The following PIK3AP1 variants were observed in gnomAD, a reference collection of about 807,000 sequenced individuals.
The protein encoded by PIK3AP1 is phosphoinositide 3-kinase adapter protein 1.
Under a neutral mutation model 88.1 loss-of-function variants are expected in PIK3AP1, and 21 were observed. The ratio of observed to expected loss-of-function variants is 0.24; its 90% confidence interval spans 0.17 to 0.34. The LOEUF is 0.34. Ranked by LOEUF, PIK3AP1 falls within the 10% of genes least tolerant of loss-of-function variation. The probability of loss-of-function intolerance (pLI) is 1.00; values close to 1 mark genes in which losing one functional copy is unlikely to be tolerated. For missense variants in PIK3AP1, 828 were observed against 1,035.7 expected, an observed-to-expected ratio of 0.80 and a Z score of 2.75; for synonymous variants, 398 against 400.0, an observed-to-expected ratio of 1.00 and a Z score of 0.06.
intron 2 of PIK3AP1, among the ~76,000 whole-genome samples, chr10:96,665,288 T>A (rs2134247944): frequency 6.6e-6 from 1 of 152,330 alleles, no homozygotes; most frequent in African/African-American, 2.4e-5. Flanking sequence ...CTCCTTGAAT[T>A]CTATGGCAGG....
At chr10:96,682,104 T>C (rs1013678179) in intron 2 of PIK3AP1, among the ~76,000 whole-genome samples, 3 of 152,052 alleles carry the variant, frequency 2.0e-5, no homozygotes, top group Non-Finnish European at 4.4e-5. Context: ...GCTAGCACTA[T>C]AGAGTAAGAT....
At chr10:96,664,023 G>A (rs1183387100) in intron 2 of PIK3AP1, among the ~76,000 whole-genome samples, 1 of 152,156 alleles carries the variant, frequency 6.6e-6, no homozygotes, top group Non-Finnish European at 1.5e-5. Context: ...CAATCTTTCT[G>A]GAAAGCCATG....
chr10:96,648,555 G>T, intron 7 of PIK3AP1, 104 bp downstream of exon 7: 1 of 1,235,720 alleles, frequency 8.1e-7, no homozygotes, highest in Non-Finnish European at 1.1e-6. Context: ...AGAGGTACAT[G>T]AGGACATGCT....
chr10:96,651,599 C>A lies in PIK3AP1; in HGVS notation c.765G>T (p.Val255=). The A allele has an allele frequency of 6.2e-7, 1 of 1,614,148 alleles. No homozygotes were observed. Among genetic ancestry groups the A allele is most frequent in the Non-Finnish European group, 8.5e-7 (1 of 1,179,998 alleles). The change falls in exon 5 of 17, where the codon GTG becomes GTT. Residue 255 remains valine (V), a synonymous_variant. Coordinates refer to ENST00000339364, the MANE Select transcript of PIK3AP1 (RefSeq NM_152309.3). The part of the protein sequence containing the change: ...SLKIYSGDLV[V]CETVISYYTD... ...TATAATAGCTGATAACGGTTTCACACACCACTAAGTCTCCAGAATATATCT... is the reference window on the plus strand; with the variant it reads ...TATAATAGCTGATAACGGTTTCACAAACCACTAAGTCTCCAGAATATATCT...
intron 8 of PIK3AP1, among the ~76,000 whole-genome samples, chr10:96,644,746 T>G (rs1005368238): frequency 1.3e-5 from 2 of 152,222 alleles, no homozygotes; most frequent in Non-Finnish European, 2.9e-5. Flanking sequence ...AAAAATCTGC[T>G]TATTATTTTC....
intron 3 of PIK3AP1, 61 bp from the exon 4 acceptor site, chr10:96,652,903 C>T: frequency 6.4e-7 from 1 of 1,563,008 alleles, no homozygotes; most frequent in Non-Finnish European, 8.7e-7. Flanking sequence ...GGTGTTGGGC[C>T]CAAGGGTCTC....
intron 13 of PIK3AP1, among the ~76,000 whole-genome samples, chr10:96,612,948 GTGTATATATATATATATA>G (rs1410195586): frequency 1.3e-4 from 6 of 46,316 alleles, no homozygotes; most frequent in African/African-American, 4.2e-4. Context: ...TTGTGTGTGT[GTGTATATATATATATATA>G]TATATATATA....
At chr10:96,712,787 A>G (rs1359844534) in intron 1 of PIK3AP1, among the ~76,000 whole-genome samples, 1 of 152,240 alleles carries the variant, frequency 6.6e-6, no homozygotes, top group Non-Finnish European at 1.5e-5. Flanking sequence ...AACATTAAGG[A>G]TGCAATGTTA....
rs763470712 is a variant in PIK3AP1 at position 96,656,844 on chromosome 10, G to A, written c.521C>T (p.Ser174Leu). Residue 174 changes from serine (S) to leucine (L), a missense_variant, in exon 3 of 17, where the codon TCA becomes TTA. This residue lies in a region of PIK3AP1 where 610 missense variants were observed against 760.1 expected (regional missense o/e 0.80). Transcript: ENST00000339364. Reference protein sequence around the residue: ...SKQQNLPTVTSPGNLMVVQPD... With the variant: ...SKQQNLPTVTLPGNLMVVQPD... The stretch of plus-strand genomic sequence containing the variant: ...CTGCACCACCATCAGGTTCCCAGGT[G>A]AAGTCACCGTCGGCAGGTTCTGCTG... The A allele has an allele frequency of 5.6e-6, 9 of 1,614,120 alleles. No homozygotes were observed. Among genetic ancestry groups the A allele is most frequent in the Non-Finnish European group, 6.8e-6 (8 of 1,180,026 alleles).
chr10:96,690,872 T>C (rs1454215086), intron 2 of PIK3AP1, among the ~76,000 whole-genome samples: 2 of 152,160 alleles, frequency 1.3e-5, no homozygotes, highest in Admixed American at 6.5e-5. Context: ...AAAATAAACA[T>C]TGGTTCCTCT....
At chr10:96,661,835 G>GGA (rs1423876166) in intron 2 of PIK3AP1, among the ~76,000 whole-genome samples, 50 of 130,478 alleles carry the variant, frequency 3.8e-4, no homozygotes, top group African/African-American at 1.3e-3. Context: ...GACAGGAAAG[G>GGA]AAAGGGAAAA....
At chr10:96,662,730 A>G (rs1414765153) in intron 2 of PIK3AP1, among the ~76,000 whole-genome samples, 7 of 149,364 alleles carry the variant, frequency 4.7e-5, no homozygotes, top group Non-Finnish European at 8.9e-5. Flanking sequence ...AATACAAAAA[A>G]AATTAGCCGG....
intron 1 of PIK3AP1, among the ~76,000 whole-genome samples, chr10:96,711,762 T>C (rs1466084389): frequency 7.2e-6 from 1 of 138,736 alleles, no homozygotes; most frequent in East Asian, 2.0e-4. Flanking sequence ...TTTTTTTTTT[T>C]TTTTTTTAGA....
chr10:96,651,774 T>A (rs1019002043), intron 4 of PIK3AP1, 123 bp from the exon 5 acceptor site: 22 of 1,171,906 alleles, frequency 1.9e-5, no homozygotes, highest in Non-Finnish European at 2.5e-5. Flanking sequence ...GGAAGAAAGA[T>A]CTTGGAGGTG....
intron 8 of PIK3AP1, chr10:96,633,202 C>A: frequency 2.2e-6 from 2 of 912,886 alleles, no homozygotes; most frequent in South Asian, 2.6e-5. Context: ...TGTACAGATC[C>A]TCCCAGTTCC....
chr10:96,605,658 C>T (rs953281624), intron 14 of PIK3AP1, among the ~76,000 whole-genome samples: 8 of 152,190 alleles, frequency 5.3e-5, no homozygotes, highest in African/African-American at 1.9e-4. Flanking sequence ...TCAACTTTGA[C>T]CGAATTAATT....
intron 10 of PIK3AP1, among the ~76,000 whole-genome samples, chr10:96,624,132 A>G (rs1843123661): frequency 6.6e-6 from 1 of 152,218 alleles, no homozygotes; most frequent in Non-Finnish European, 1.5e-5. Context: ...ATGATCTTGG[A>G]CAAGTGGCTT....
intron 2 of PIK3AP1, among the ~76,000 whole-genome samples, chr10:96,688,430 C>T (rs1200879951): frequency 6.6e-6 from 1 of 152,164 alleles, no homozygotes; most frequent in Admixed American, 6.5e-5. Flanking sequence ...GCTCTCATTT[C>T]TTTCTAAAAT....
At position 96,602,389 on chromosome 10, in the gene PIK3AP1, C is replaced by A. The variant is rs147376017; in HGVS notation, c.2251G>T (p.Val751Phe). 1.4e-4 allele frequency: 228 copies of A among 1,610,832 alleles called. 3 individuals carry two copies. The African/African-American group carries it at 2.4e-3, about 17-fold the overall frequency. Residue 751 changes from valine (V) to phenylalanine (F), a missense_variant, in exon 16 of 17, where the codon GTC becomes TTC. Physicochemically the swap from Val to Phe is conservative, Grantham distance 50. Transcript: ENST00000339364. ...CTGCGACTTCTGGTAACCTCAGGGA[C>A]TTCATTATCCTACAGCAAAGAAGAT... is the stretch of plus-strand genomic sequence containing the variant. The part of the protein sequence containing the change: ...GMEGDNEDNE[V>F]PEVTRSRSPG...
Sources: gnomAD v4.1 joint callset for allele counts (sites outside exome capture counted in the v4.1 genomes callset) on GRCh38, gnomAD v4.1.1 for gene constraint, gnomAD v4.1.1 regional missense constraint, MANE v1.5 for transcripts, NCBI Gene and HGNC (gene_info 2026-07-23, HGNC 2026-07-21) for gene names.